CNTN3: variants seen among roughly 807,000 people sequenced by gnomAD.
CNTN3 encodes contactin-3.
Under a neutral mutation model 119.1 loss-of-function variants are expected in CNTN3, and 60 were observed. The observed-to-expected ratio is 0.50, with a 90% confidence interval of 0.41 to 0.62. The LOEUF (loss-of-function observed/expected upper bound fraction) is 0.62. CNTN3 is among the 20% of genes least tolerant of loss of function. The pLI, the probability that CNTN3 is intolerant of heterozygous loss-of-function variation, is 0.00. For synonymous variants in CNTN3, 450 were observed against 438.7 expected, an observed-to-expected ratio of 1.03 and a Z score of -0.32; for missense variants, 1,101 against 1,242.4, an observed-to-expected ratio of 0.89 and a Z score of 1.71.
intron 1 of CNTN3, among the ~76,000 whole-genome samples, chr3:74,565,647 C>A (rs139382124): frequency 6.6e-6 from 1 of 152,092 alleles, no homozygotes. Flanking sequence ...CAACCTCCAA[C>A]GTGACATTAG....
intron 13 of CNTN3, among the ~76,000 whole-genome samples, chr3:74,332,551 G>A (rs76151680): frequency 5.2e-4 from 79 of 152,268 alleles, no homozygotes; most frequent in African/African-American, 1.7e-3. Flanking sequence ...TTATAAACTC[G>A]AATGTTTTTA....
At chr3:74,371,994 A>G (rs1248324440) in intron 5 of CNTN3, among the ~76,000 whole-genome samples, 1 of 151,994 alleles carries the variant, frequency 6.6e-6, no homozygotes, top group African/African-American at 2.4e-5. Context: ...ATAACCTTCA[A>G]ATGGTTTTCA....
In CNTN3 at chr3:74,501,896, C is replaced by T. The variant is rs114867674; in HGVS notation, c.56-2111G>A. Among the ~76,000 whole-genome samples, 691 of 152,112 alleles carry T rather than the reference C, an allele frequency of 4.5e-3. 6 individuals carry two copies. The highest frequency in any genetic ancestry group is 0.016 in the African/African-American group (660 of 41,530). On this transcript the variant is annotated intron_variant, in intron 2 of 22. Coordinates refer to ENST00000263665, the MANE Select transcript of CNTN3 (RefSeq NM_020872.3). The stretch of plus-strand genomic sequence containing the variant: ...TCCTAATTTAAAAGAGGCAATATTG[C>T]TATTTTCTTCATTTTTGCCCCTCAA...
chr3:74,447,650 G>A (rs905718651), intron 4 of CNTN3, among the ~76,000 whole-genome samples: 16 of 152,102 alleles, frequency 1.1e-4, no homozygotes, highest in African/African-American at 3.9e-4. Context: ...TTCAGTGATG[G>A]CATGATGATA....
chr3:74,472,139 A>G (rs1302725926), intron 4 of CNTN3, among the ~76,000 whole-genome samples: 1 of 152,146 alleles, frequency 6.6e-6, no homozygotes, highest in Admixed American at 6.5e-5. Flanking sequence ...TATAATGAAG[A>G]TCTCAGTGAT....
chr3:74,338,475 T>C (rs1703452923), intron 11 of CNTN3, among the ~76,000 whole-genome samples: 1 of 145,958 alleles, frequency 6.9e-6, no homozygotes, highest in Non-Finnish European at 1.5e-5. Flanking sequence ...TACACATATG[T>C]GCGTATGTGT....
At chr3:74,379,309 C>T (rs754661129) in intron 5 of CNTN3, among the ~76,000 whole-genome samples, 2 of 152,100 alleles carry the variant, frequency 1.3e-5, no homozygotes, top group East Asian at 1.9e-4. Context: ...GTGTCCGCCA[C>T]CATGTCTGGC....
intron 3 of CNTN3, among the ~76,000 whole-genome samples, chr3:74,496,861 T>A (rs912792704): frequency 1.4e-4 from 22 of 152,094 alleles, no homozygotes; most frequent in African/African-American, 5.3e-4. Context: ...TTTCTGAACT[T>A]TTGGATTTCC....
chr3:74,359,463 C>T (rs767995429), intron 11 of CNTN3, among the ~76,000 whole-genome samples: 14 of 152,134 alleles, frequency 9.2e-5, no homozygotes, highest in Non-Finnish European at 1.9e-4. Flanking sequence ...CAAAAATCTT[C>T]GAACACAAAA....
At chr3:74,437,634 G>A (rs1311535571) in intron 4 of CNTN3, among the ~76,000 whole-genome samples, 1 of 152,104 alleles carries the variant, frequency 6.6e-6, no homozygotes, top group Non-Finnish European at 1.5e-5. Context: ...ACAAACTGAA[G>A]AGTCAACTAA....
intron 5 of CNTN3, among the ~76,000 whole-genome samples, chr3:74,413,457 A>G (rs993494827): frequency 2.0e-5 from 3 of 152,200 alleles, no homozygotes; most frequent in South Asian, 2.1e-4. Context: ...CACGGTTAGG[A>G]AAAAAAGCCA....
At chr3:74,377,763 A>C (rs908481014) in intron 5 of CNTN3, among the ~76,000 whole-genome samples, 1 of 152,214 alleles carries the variant, frequency 6.6e-6, no homozygotes, top group Non-Finnish European at 1.5e-5. Flanking sequence ...CTTTCTAAAA[A>C]GTAATATGTG....
chr3:74,460,479 G>A (rs533087490), intron 4 of CNTN3, among the ~76,000 whole-genome samples: 217 of 151,822 alleles, frequency 1.4e-3, no homozygotes, highest in Non-Finnish European at 2.3e-3. Flanking sequence ...TTTATACAAT[G>A]TTCAGCATAA....
At chr3:74,295,688 C>G (rs1265933466) in intron 18 of CNTN3, among the ~76,000 whole-genome samples, 1 of 152,106 alleles carries the variant, frequency 6.6e-6, no homozygotes, top group Non-Finnish European at 1.5e-5. Context: ...TCTAGAGAGG[C>G]CTACAGAGAC....
chr3:74,315,918 C>T (rs1007237045), intron 13 of CNTN3, among the ~76,000 whole-genome samples: 1 of 152,138 alleles, frequency 6.6e-6, no homozygotes, highest in African/African-American at 2.4e-5. Flanking sequence ...ATAGGAAATA[C>T]TCTTTTTAAT....
intron 13 of CNTN3, among the ~76,000 whole-genome samples, chr3:74,308,084 C>T (rs867630115): frequency 6.6e-6 from 1 of 152,138 alleles, no homozygotes. Flanking sequence ...ACCTGGTTGG[C>T]GTTTTCCTCT....
In CNTN3 at chr3:74,484,767, A is replaced by G. The variant is rs137885096; in HGVS notation, c.358+1689T>C. 1.8e-4 allele frequency among the ~76,000 whole-genome samples: 28 copies of G among 152,308 alleles called. No individual in the cohort carries two copies. In the East Asian group the frequency reaches 2.1e-3, roughly 12 times the overall value. On this transcript the variant is annotated intron_variant, in intron 4 of 22. Transcript: ENST00000263665. The stretch of plus-strand genomic sequence containing the variant: ...CCACCTTCCTCTCCTCAGCAGCACT[A>G]GTTCCAGAAGACAACAGAGCAAAAC...
chr3:74,513,881 C>T (rs929039180), intron 2 of CNTN3, among the ~76,000 whole-genome samples: 5 of 151,838 alleles, frequency 3.3e-5, no homozygotes, highest in Middle Eastern at 3.4e-3. Flanking sequence ...AATGCCAAGA[C>T]TTGCTTACTT....
chr3:74,605,246 A>G (rs2106710095), intron 1 of CNTN3, among the ~76,000 whole-genome samples: 1 of 147,660 alleles, frequency 6.8e-6, no homozygotes, highest in South Asian at 2.1e-4. Flanking sequence ...TATAATTAAT[A>G]ATGCATTGTA....
Sources: gnomAD v4.1 joint callset for allele counts (sites outside exome capture counted in the v4.1 genomes callset) on GRCh38, gnomAD v4.1.1 for gene constraint, MANE v1.5 for transcripts, NCBI Gene and HGNC (gene_info 2026-07-23, HGNC 2026-07-21) for gene names.